RELN: variants seen among roughly 807,000 people sequenced by gnomAD.
RELN encodes the protein reelin.
In RELN, 108 loss-of-function variants were observed where a neutral mutation model predicts 427.6. The observed-to-expected ratio is 0.25, with a 90% CI of 0.22 to 0.30. The LOEUF is 0.30. Among genes scored for constraint, RELN ranks in the 10% least tolerant of loss-of-function variants. RELN has a pLI of 1.00. For missense variants in RELN, 3,715 were observed against 4,302.8 expected, an observed-to-expected ratio of 0.86 and a Z score of 3.82; for synonymous variants, 1,524 against 1,513.4, an observed-to-expected ratio of 1.01 and a Z score of -0.16.
intron 50 of RELN, among the ~76,000 whole-genome samples, chr7:103,511,562 T>C (rs1177061428): frequency 6.6e-6 from 1 of 152,142 alleles, no homozygotes; most frequent in Admixed American, 6.5e-5. Flanking sequence ...ATAACTGATA[T>C]ACAAAAATGA....
chr7:103,478,343 G>A (rs1202636957), intron 64 of RELN, 46 bp downstream of exon 64: 5 of 740,450 alleles, frequency 6.8e-6, no homozygotes, highest in South Asian at 1.4e-5. Context: ...TGTCACTGAT[G>A]AAACTATTAG....
rs1796380351 is a variant in RELN at position 103,953,878 on chromosome 7, G to A, written c.226+35253C>T. Among the ~76,000 whole-genome samples, 1 of 152,094 alleles carries A rather than the reference G, an allele frequency of 6.6e-6. No individual in the cohort carries two copies. The highest frequency in any genetic ancestry group is 1.5e-5 in the Non-Finnish European group (1 of 68,016). Reference sequence around the variant, plus strand: ...ACCCAGGAGGCAGAGGCTGCAATGAGTCAAGACCGTGCCACTACATGCCAG... The same window carrying A: ...ACCCAGGAGGCAGAGGCTGCAATGAATCAAGACCGTGCCACTACATGCCAG... On this transcript the variant is annotated intron_variant, in intron 1 of 64. Transcript: ENST00000428762. The surrounding 1 kb of genome is among the most constrained non-coding windows in gnomAD (Gnocchi z 4.3).
At chr7:103,532,480 G>A (rs925233716) in intron 46 of RELN, among the ~76,000 whole-genome samples, 2 of 151,912 alleles carry the variant, frequency 1.3e-5, no homozygotes, top group African/African-American at 2.4e-5. Flanking sequence ...AAAAGAAGAA[G>A]CTTTTCTGAA....
chr7:103,846,479 A>G (rs1234090802), intron 2 of RELN, among the ~76,000 whole-genome samples: 3 of 152,234 alleles, frequency 2.0e-5, no homozygotes, highest in African/African-American at 7.2e-5. Flanking sequence ...AAATCCTAGA[A>G]GAAAACTTTG....
chr7:103,595,821 T>C (rs1416587432), intron 25 of RELN, among the ~76,000 whole-genome samples: 1 of 152,126 alleles, frequency 6.6e-6, no homozygotes, highest in Non-Finnish European at 1.5e-5. Flanking sequence ...TACTACATAA[T>C]TGCAAAAGAA....
chr7:103,628,504 G>A (rs1429000342), intron 20 of RELN, among the ~76,000 whole-genome samples: 4 of 152,218 alleles, frequency 2.6e-5, no homozygotes, highest in African/African-American at 7.2e-5. Flanking sequence ...AAAGTGACCA[G>A]CTGTACTTCC....
In RELN at chr7:103,556,999, T is replaced by C. The variant is rs2711866; in HGVS notation, c.5775A>G (p.Arg1925=). 9.5e-4 allele frequency: 1,534 copies of C among 1,613,442 alleles called. 5 individuals carry two copies. In the African/African-American group the frequency reaches 0.015, roughly 16 times the overall value. Residue 1925 remains arginine (R), a synonymous_variant, in exon 38 of 65, where the codon AGA becomes AGG. Transcript: ENST00000428762. ...YTAQTNATRF[R]LWQPYNNGKK... ...TACCGTTATTATAAGGTTGCCAGAGTCTGAATCTTGTAGCATTGGTTTGGG... is the reference window on the plus strand; with the variant it reads ...TACCGTTATTATAAGGTTGCCAGAGCCTGAATCTTGTAGCATTGGTTTGGG...
At chr7:103,503,605 A>G (rs1456284745) in intron 51 of RELN, among the ~76,000 whole-genome samples, 3 of 152,188 alleles carry the variant, frequency 2.0e-5, no homozygotes, top group Non-Finnish European at 4.4e-5. Context: ...AGCTTTACCA[A>G]TTTTACTATT....
At chr7:103,690,436 C>T (rs1833850498) in intron 10 of RELN, among the ~76,000 whole-genome samples, 2 of 152,102 alleles carry the variant, frequency 1.3e-5, no homozygotes, top group South Asian at 4.1e-4. Context: ...AACACCCATC[C>T]ACAACCACAT....
In RELN at chr7:103,603,194, C is replaced by T. The variant is rs372722707; in HGVS notation, c.3333+110G>A. The T allele has an allele frequency of 2.0e-4, 182 of 896,566 alleles. No individual in the cohort carries two copies. The East Asian group carries it at 3.1e-3, about 15-fold the overall frequency. 55.5% of individuals were successfully genotyped at this position (896,566 alleles called of 1,614,324 possible). A position where few individuals can be genotyped will look rare whatever the true frequency, so the allele number is the denominator to read the frequency against. ...GAATTTGATAGAGCCCACTCAAAAG[C>T]GGGGAACGTGGGGAACAATAGAACC... is the stretch of plus-strand genomic sequence containing the variant. On this transcript the variant is annotated intron_variant, in intron 24 of 64. Coordinates refer to ENST00000428762, the MANE Select transcript of RELN (RefSeq NM_005045.4). The surrounding 1 kb of genome is among the most constrained non-coding windows in gnomAD (Gnocchi z 4.3).
chr7:103,731,514 G>A (rs1277408205), intron 6 of RELN, among the ~76,000 whole-genome samples: 2 of 151,982 alleles, frequency 1.3e-5, no homozygotes, highest in Admixed American at 1.3e-4. Flanking sequence ...CCACTTAGAC[G>A]ATGCTAGAAC....
chr7:103,737,884 T>C (rs1285233279), intron 6 of RELN, among the ~76,000 whole-genome samples: 1 of 152,100 alleles, frequency 6.6e-6, no homozygotes, highest in Non-Finnish European at 1.5e-5. Flanking sequence ...TGTGGACCTT[T>C]CTGTATCATT....
At chr7:103,842,260 A>G (rs1016512035) in intron 2 of RELN, among the ~76,000 whole-genome samples, 1 of 143,004 alleles carries the variant, frequency 7.0e-6, no homozygotes, top group African/African-American at 2.6e-5. Context: ...ATCAGTTAAT[A>G]AAAAAAAAAA....
chr7:103,508,349 G>C (rs1012254551), intron 51 of RELN, among the ~76,000 whole-genome samples: 1 of 152,118 alleles, frequency 6.6e-6, no homozygotes, highest in Admixed American at 6.5e-5. Context: ...ATACAAGGCT[G>C]GTTCAGCATA....
Position 103,620,420 on chromosome 7 carries a change from G to T in RELN, c.2703-8617C>A, listed in dbSNP as rs993379258. Reference sequence around the variant, plus strand: ...CCCTGACTCCTCTTTTTCTTATGTTGCATCCACATTATCTCCAGATTCGAT... The same window carrying T: ...CCCTGACTCCTCTTTTTCTTATGTTTCATCCACATTATCTCCAGATTCGAT... On this transcript the variant is annotated intron_variant, in intron 20 of 64. Coordinates refer to ENST00000428762, the MANE Select transcript of RELN (RefSeq NM_005045.4). This position sits in a 1 kb window ranked among gnomAD's most constrained non-coding sequence, Gnocchi z 4.1. Among the ~76,000 whole-genome samples, 5 of 151,222 alleles carry T rather than the reference G, an allele frequency of 3.3e-5. No individual in the cohort carries two copies. The highest frequency in any genetic ancestry group is 6.6e-5 in the Admixed American group (1 of 15,180).
intron 16 of RELN, among the ~76,000 whole-genome samples, chr7:103,644,431 C>A (rs1832756051): frequency 1.4e-5 from 2 of 146,214 alleles, no homozygotes; most frequent in African/African-American, 2.5e-5. Flanking sequence ...TTAGAAAACC[C>A]AAACCCCAAA....
At chr7:103,645,596 T>A (rs1264300605) in intron 16 of RELN, among the ~76,000 whole-genome samples, 1 of 151,848 alleles carries the variant, frequency 6.6e-6, no homozygotes, top group Non-Finnish European at 1.5e-5. Flanking sequence ...TAAATACATA[T>A]GCACCCAACA....
chr7:103,643,402 C>A (rs976047652), intron 16 of RELN, among the ~76,000 whole-genome samples: 1 of 152,008 alleles, frequency 6.6e-6, no homozygotes, highest in Non-Finnish European at 1.5e-5. Context: ...GATTCACCAT[C>A]TTGTATCATG....
intron 2 of RELN, among the ~76,000 whole-genome samples, chr7:103,835,164 T>C (rs932113184): frequency 6.6e-6 from 1 of 152,170 alleles, no homozygotes; most frequent in Non-Finnish European, 1.5e-5. Context: ...AAACTTAATA[T>C]GCGTATTACC....
Sources: gnomAD v4.1 joint callset for allele counts (sites outside exome capture counted in the v4.1 genomes callset) on GRCh38, gnomAD v4.1.1 for gene constraint, Gnocchi (gnomAD v3.1) non-coding constraint, MANE v1.5 for transcripts, NCBI Gene and HGNC (gene_info 2026-07-23, HGNC 2026-07-21) for gene names.